Variants in VPS13A observed in about 807,000 individuals in gnomAD.
VPS13A encodes vacuolar protein sorting 13 homolog A.
In VPS13A, 264 loss-of-function variants were observed where a neutral mutation model predicts 390.9. The ratio of observed to expected loss-of-function variants is 0.68; its 90% CI spans 0.61 to 0.75. The LOEUF (loss-of-function observed/expected upper bound fraction) is 0.75. Ranked by LOEUF, VPS13A falls within the 30% of genes least tolerant of loss-of-function variation. VPS13A has a pLI of 0.00. For synonymous variants in VPS13A, 1,231 were observed against 1,227.1 expected (o/e 1.00, Z -0.07); for missense variants, 3,409 against 3,733.9 (o/e 0.91, Z 2.27).
intron 31 of VPS13A, among the ~76,000 whole-genome samples, chr9:77,285,466 A>G (rs781456076): frequency 1.1e-4 from 16 of 152,210 alleles, no homozygotes; most frequent in Non-Finnish European, 2.1e-4. Context: ...GTCTCATGAA[A>G]AACATATCAT....
In VPS13A at chr9:77,318,552, G is replaced by T; in HGVS notation, c.5274G>T (p.Trp1758Cys). The change falls in exon 41 of 72, where the codon TGG becomes TGT. Residue 1758 changes from tryptophan (W) to cysteine (C), a missense_variant. Trp to Cys is a radical substitution (Grantham distance 215). Around this residue, in one of 5 missense-constraint regions of VPS13A, gnomAD observed 2,717 missense variants for 2,917.4 expected, o/e 0.93. Transcript: ENST00000360280. ...KSRFSGEGKN[W>C]SSLINLHCQL... is the part of the protein sequence containing the mutation. ...GTTTTTCAGGGGAAGGCAAAAACTG[G>T]AGTTCCCTAATAAATCTGCACTGTC... is the stretch of plus-strand genomic sequence containing the variant. 1 of 1,613,840 alleles carries T rather than the reference G, an allele frequency of 6.2e-7. No homozygotes were observed. The highest frequency in any genetic ancestry group is 8.5e-7 in the Non-Finnish European group (1 of 1,179,902).
chr9:77,402,132 A>G (rs1834420261), intron 68 of VPS13A, among the ~76,000 whole-genome samples: 1 of 152,066 alleles, frequency 6.6e-6, no homozygotes, highest in Non-Finnish European at 1.5e-5. Flanking sequence ...GTTTGTGTTT[A>G]TTTGCCCTAC....
intron 1 of VPS13A, among the ~76,000 whole-genome samples, chr9:77,178,695 A>G (rs908431606): frequency 1.1e-4 from 16 of 152,074 alleles, no homozygotes; most frequent in African/African-American, 3.9e-4. Flanking sequence ...CCTCATTTTT[A>G]GTGTTTCCAT....
intron 45 of VPS13A, among the ~76,000 whole-genome samples, chr9:77,325,511 A>AT (rs545887321): frequency 1.9e-4 from 25 of 132,038 alleles, no homozygotes; most frequent in South Asian, 9.5e-4. Context: ...TAAACTTGCT[A>AT]TTTTTTTTTT....
intron 23 of VPS13A, 95 bp from the exon 24 acceptor site, chr9:77,273,183 TTG>T (rs1826446345): frequency 1.1e-6 from 1 of 933,270 alleles, no homozygotes. Flanking sequence ...GGATAGCTTT[TTG>T]TCAAAACTGT....
chr9:77,369,509 G>T, intron 63 of VPS13A, 97 bp downstream of exon 63: 1 of 871,594 alleles, frequency 1.1e-6, no homozygotes, highest in Non-Finnish European at 1.9e-6. Context: ...AGTGCAAACA[G>T]ATTTTGGAAC....
At chr9:77,226,658 A>AT (rs1823535534) in intron 15 of VPS13A, 60 bp downstream of exon 15, 6 of 1,572,134 alleles carry the variant, frequency 3.8e-6, no homozygotes, top group African/African-American at 2.7e-5. Flanking sequence ...AAGTTTTGCC[A>AT]TTTTTTGCCT....
chr9:77,258,591 G>A (rs926290307), intron 22 of VPS13A, among the ~76,000 whole-genome samples: 3 of 152,084 alleles, frequency 2.0e-5, no homozygotes, highest in South Asian at 2.1e-4. Context: ...TTAAGAGACA[G>A]AAGGAAAGAA....
In VPS13A at chr9:77,336,457, A is replaced by G. The variant is rs139529783; in HGVS notation, c.6096-798A>G. 1.7e-3 allele frequency among the ~76,000 whole-genome samples: 265 copies of G among 152,336 alleles called. 2 individuals are homozygous for G. The highest frequency in any genetic ancestry group is 6.8e-3 in the Middle Eastern group (2 of 294). ...CCGCATCTATTGACTACGTTTTAATAACATTAAATATTGATTGAAAACTTT... is the reference window on the plus strand; with the variant it reads ...CCGCATCTATTGACTACGTTTTAATGACATTAAATATTGATTGAAAACTTT... On this transcript the variant is annotated intron_variant, in intron 46 of 71. Coordinates refer to ENST00000360280, the MANE Select transcript of VPS13A (RefSeq NM_033305.3).
chr9:77,334,711 A>G (rs1244064935), intron 46 of VPS13A, among the ~76,000 whole-genome samples: 1 of 152,228 alleles, frequency 6.6e-6, no homozygotes, highest in East Asian at 1.9e-4. Flanking sequence ...TAATAGGTCC[A>G]ATAAATGTTT....
At chr9:77,246,454 C>G (rs1356005396) in intron 19 of VPS13A, among the ~76,000 whole-genome samples, 1 of 148,206 alleles carries the variant, frequency 6.7e-6, no homozygotes, top group African/African-American at 2.5e-5. Flanking sequence ...AATATACTGA[C>G]CTGCCTACAT....
chr9:77,294,517 A>G (rs561967678), intron 32 of VPS13A, among the ~76,000 whole-genome samples: 26 of 152,304 alleles, frequency 1.7e-4, no homozygotes, highest in African/African-American at 5.8e-4. Context: ...AAGTGTGGCA[A>G]TTCTTATAAG....
chr9:77,226,536 G>T lies in VPS13A; in HGVS notation c.1295G>T (p.Ser432Ile). The T allele has an allele frequency of 6.2e-7, 1 of 1,613,220 alleles. No individual in the cohort carries two copies. The highest frequency in any genetic ancestry group is 8.5e-7 in the Non-Finnish European group (1 of 1,179,474). ...KDPEDNKGWF[S>I]WLWSWSEQNT... ...CCAGAGGATAATAAAGGGTGGTTTA[G>T]CTGGCTATGGTCTTGGTCAGAACAA... The change falls in exon 15 of 72, where the codon AGC becomes ATC. Residue 432 changes from serine to isoleucine, a missense_variant. Ser to Ile is a moderately radical substitution (Grantham distance 142). Around this residue, in one of 5 missense-constraint regions of VPS13A, gnomAD observed 2,717 missense variants for 2,917.4 expected, o/e 0.93. Transcript: ENST00000360280.
chr9:77,226,079 T>C (rs1002942167), intron 14 of VPS13A, 91 bp downstream of exon 14: 4 of 1,244,032 alleles, frequency 3.2e-6, no homozygotes, highest in South Asian at 1.4e-5. Flanking sequence ...CTGTAACATA[T>C]TGTTTCCAAA....
intron 3 of VPS13A, 91 bp from the exon 4 acceptor site, chr9:77,205,222 C>A: frequency 1.7e-6 from 1 of 593,106 alleles, no homozygotes; most frequent in Non-Finnish European, 2.7e-6. Flanking sequence ...TTTATTATCT[C>A]TTCAATGCCT....
At chr9:77,362,926 G>T (rs992866789) in intron 59 of VPS13A, among the ~76,000 whole-genome samples, 1 of 151,934 alleles carries the variant, frequency 6.6e-6, no homozygotes, top group Non-Finnish European at 1.5e-5. Flanking sequence ...CATTGCTACT[G>T]TATAAAAATG....
intron 68 of VPS13A, among the ~76,000 whole-genome samples, chr9:77,400,827 G>A (rs75669565): frequency 2.2e-4 from 29 of 133,486 alleles, no homozygotes; most frequent in South Asian, 2.5e-4. Flanking sequence ...GACTCTGTCT[G>A]AAAAAAAAAA....
At chr9:77,395,969 T>C (rs896962452) in intron 68 of VPS13A, 5 of 152,218 alleles carry the variant, frequency 3.3e-5, no homozygotes, top group Non-Finnish European at 5.9e-5. Flanking sequence ...CTCTGAATTA[T>C]ACAGTATTTT....
At chr9:77,210,499 C>G in intron 6 of VPS13A, 117 bp from the exon 7 acceptor site, 3 of 977,460 alleles carry the variant, frequency 3.1e-6, no homozygotes, top group Non-Finnish European at 3.2e-6. Flanking sequence ...CTGCCTTGGC[C>G]TTCCAGAGTG....
Sources: allele counts gnomAD v4.1 joint callset (sites outside exome capture counted in the v4.1 genomes callset), GRCh38; gene constraint gnomAD v4.1.1; regional missense constraint gnomAD v4.1.1; transcripts MANE v1.5; gene names NCBI Gene and HGNC (gene_info 2026-07-23, HGNC 2026-07-21).